RPGRIP1L: variants seen among roughly 807,000 people sequenced by gnomAD.
The protein encoded by RPGRIP1L is protein fantom.
RPGRIP1L carries 131 observed loss-of-function variants against 160.4 expected under a neutral mutation model. That is an observed-to-expected ratio of 0.82 (90% CI 0.71 to 0.94). The LOEUF is 0.94. Among genes scored for constraint, RPGRIP1L ranks in the 40% least tolerant of loss-of-function variants. RPGRIP1L has a pLI of 0.00. For synonymous variants in RPGRIP1L, 510 were observed against 515.8 expected, an observed-to-expected ratio of 0.99 and a Z score of 0.15; for missense variants, 1,522 against 1,535.8, an observed-to-expected ratio of 0.99 and a Z score of 0.15.
intron 19 of RPGRIP1L, among the ~76,000 whole-genome samples, chr16:53,640,692 GT>G (rs920683825): frequency 6.6e-6 from 1 of 152,062 alleles, no homozygotes; most frequent in African/African-American, 2.4e-5. Flanking sequence ...AGTAAGAGTA[GT>G]TTTATGAGGA....
At chr16:53,695,913 C>T (rs966281856) in intron 3 of RPGRIP1L, 94 of 454,796 alleles carry the variant, frequency 2.1e-4, no homozygotes, top group Middle Eastern at 6.3e-4. Flanking sequence ...GATATACTAA[C>T]GGCACTCTAT....
chr16:53,667,065 C>T (rs746447391), intron 9 of RPGRIP1L, among the ~76,000 whole-genome samples: 1 of 152,158 alleles, frequency 6.6e-6, no homozygotes, highest in Admixed American at 6.5e-5. Flanking sequence ...ATTAAATCTG[C>T]ATATGAGAAC....
intron 4 of RPGRIP1L, 41 bp downstream of exon 4, chr16:53,692,025 A>C (rs1440405998): frequency 1.3e-6 from 2 of 1,587,694 alleles, no homozygotes; most frequent in Non-Finnish European, 1.7e-6. Flanking sequence ...TAAACAATCT[A>C]ATAAGACTTC....
At chr16:53,636,008 C>T (rs1965812737) in intron 22 of RPGRIP1L, among the ~76,000 whole-genome samples, 1 of 152,138 alleles carries the variant, frequency 6.6e-6, no homozygotes, top group Non-Finnish European at 1.5e-5. Context: ...AATGAAATAA[C>T]TGTAACATAT....
chr16:53,698,267 A>G (rs1598426455), intron 2 of RPGRIP1L, among the ~76,000 whole-genome samples: 2 of 143,310 alleles, frequency 1.4e-5, no homozygotes, highest in East Asian at 2.1e-4. Context: ...TCCGGGAGGG[A>G]GGTGGGGGGT....
intron 5 of RPGRIP1L, among the ~76,000 whole-genome samples, chr16:53,687,128 A>G (rs1465237660): frequency 6.6e-6 from 1 of 152,154 alleles, no homozygotes; most frequent in Non-Finnish European, 1.5e-5. Flanking sequence ...CCTGCAGGCT[A>G]ATCATTACTG....
At chr16:53,669,717 G>A (rs1404875367) in intron 9 of RPGRIP1L, among the ~76,000 whole-genome samples, 1 of 151,990 alleles carries the variant, frequency 6.6e-6, no homozygotes, top group Non-Finnish European at 1.5e-5. Context: ...TAAATTATTT[G>A]AAATTACAAG....
rs140489125 is a variant in RPGRIP1L, at chr16:53,692,613, G to T, written c.231-249C>A. Among the ~76,000 whole-genome samples, 94 of 152,270 alleles carry T rather than the reference G, an allele frequency of 6.2e-4. 1 individual carries two copies. The highest frequency in any genetic ancestry group is 2.1e-3 in the African/African-American group (86 of 41,548). ...TTATCATTTAAGGTTAGTAAAGAGA[G>T]GACACATATTTACTCCATATGTTCC... On this transcript the variant is annotated intron_variant, in intron 3 of 26. Coordinates refer to ENST00000647211, the MANE Select transcript of RPGRIP1L (RefSeq NM_015272.5).
At chr16:53,632,533 A>G (rs1965585205) in intron 22 of RPGRIP1L, among the ~76,000 whole-genome samples, 1 of 152,158 alleles carries the variant, frequency 6.6e-6, no homozygotes, top group African/African-American at 2.4e-5. Context: ...CAAGGCTAGG[A>G]ACACAGCAAA....
chr16:53,697,696 TG>T (rs1200853650), intron 2 of RPGRIP1L, among the ~76,000 whole-genome samples: 3 of 152,066 alleles, frequency 2.0e-5, no homozygotes, highest in African/African-American at 7.2e-5. Context: ...TGCAGTGGCG[TG>T]ATCTCGGCTC....
intron 9 of RPGRIP1L, among the ~76,000 whole-genome samples, chr16:53,670,269 A>G (rs1397992630): frequency 6.6e-6 from 1 of 152,200 alleles, no homozygotes; most frequent in African/African-American, 2.4e-5. Flanking sequence ...ATGTAAATTT[A>G]ATTTATAAAA....
chr16:53,639,056 T>C (rs1966035021), intron 19 of RPGRIP1L, among the ~76,000 whole-genome samples: 1 of 151,916 alleles, frequency 6.6e-6, no homozygotes, highest in African/African-American at 2.4e-5. Context: ...AAATGTCATA[T>C]GCTAGCATAG....
intron 6 of RPGRIP1L, among the ~76,000 whole-genome samples, chr16:53,682,573 C>T (rs202025619): frequency 6.6e-6 from 1 of 150,988 alleles, no homozygotes; most frequent in Non-Finnish European, 1.5e-5. Context: ...TTACACTAAA[C>T]TTGAGAAATG....
At chr16:53,676,867 T>A (rs1294329667) in intron 6 of RPGRIP1L, among the ~76,000 whole-genome samples, 1 of 152,178 alleles carries the variant, frequency 6.6e-6, no homozygotes, top group African/African-American at 2.4e-5. Context: ...TCTCCTGACC[T>A]CATAATCCAC....
intron 2 of RPGRIP1L, among the ~76,000 whole-genome samples, chr16:53,700,332 C>T (rs565809132): frequency 1.3e-5 from 2 of 152,264 alleles, no homozygotes; most frequent in Admixed American, 1.3e-4. Flanking sequence ...TTAAACCAGG[C>T]AATTCAGTTT....
At chr16:53,685,358 T>C (rs1969928332) in intron 6 of RPGRIP1L, among the ~76,000 whole-genome samples, 1 of 152,222 alleles carries the variant, frequency 6.6e-6, no homozygotes, top group East Asian at 1.9e-4. Context: ...TTACTGGGTA[T>C]ATACCTAAAG....
intron 6 of RPGRIP1L, among the ~76,000 whole-genome samples, chr16:53,682,841 C>T (rs551367680): frequency 2.0e-5 from 3 of 152,202 alleles, no homozygotes; most frequent in East Asian, 3.9e-4. Context: ...ATGAATAACT[C>T]ATAGGTATTC....
At chr16:53,644,334 T>C (rs2151075273) in intron 17 of RPGRIP1L, among the ~76,000 whole-genome samples, 1 of 152,120 alleles carries the variant, frequency 6.6e-6, no homozygotes, top group Non-Finnish European at 1.5e-5. Context: ...CTCAGAGACC[T>C]GTGGGGAAAC....
chr16:53,658,610 A>G (rs1967475675), intron 11 of RPGRIP1L, 146 bp from the exon 12 acceptor site: 2 of 866,096 alleles, frequency 2.3e-6, no homozygotes, highest in African/African-American at 3.4e-5. Context: ...CCAGTGCTTC[A>G]AAATGTCCCT....
Sources: allele counts gnomAD v4.1 joint callset (sites outside exome capture counted in the v4.1 genomes callset), GRCh38; gene constraint gnomAD v4.1.1; transcripts MANE v1.5; gene names NCBI Gene and HGNC (gene_info 2026-07-23, HGNC 2026-07-21).